Variants in NAV2 observed in about 807,000 individuals in gnomAD.
NAV2 encodes neuron navigator 2.
Under a neutral mutation model 223.2 loss-of-function variants are expected in NAV2, and 54 were observed. That is an observed-to-expected ratio of 0.24 (90% CI 0.19 to 0.30). The LOEUF is 0.30. NAV2 is among the 10% of genes least tolerant of loss of function. NAV2 has a pLI of 1.00. For synonymous variants in NAV2, 1,279 were observed against 1,239.3 expected (o/e 1.03, Z -0.67); for missense variants, 2,806 against 3,147.5 (o/e 0.89, Z 2.60).
At chr11:19,724,841 A>G (rs1240956121) in intron 1 of NAV2, among the ~76,000 whole-genome samples, 1 of 152,134 alleles carries the variant, frequency 6.6e-6, no homozygotes, top group East Asian at 1.9e-4. Flanking sequence ...AGCCAGAGAG[A>G]CCTGGGTTAA....
chr11:19,554,091 C>G (rs1421359226), intron 1 of NAV2, among the ~76,000 whole-genome samples: 1 of 152,186 alleles, frequency 6.6e-6, no homozygotes, highest in Non-Finnish European at 1.5e-5. Context: ...CGCTCTAAGC[C>G]AGGAGGCAAC....
intron 1 of NAV2, among the ~76,000 whole-genome samples, chr11:19,477,301 C>A (rs184546202): frequency 4.7e-4 from 72 of 152,330 alleles, no homozygotes; most frequent in Non-Finnish European, 8.1e-4. Flanking sequence ...ATTTTTGCCA[C>A]TTACATTACA....
rs2050018394 is a variant in NAV2 at position 19,713,576 on chromosome 11, G to A, written c.-120G>A. 7.1e-7 allele frequency: 1 copy of A among 1,403,726 alleles called. No individual in the cohort carries two copies. Among genetic ancestry groups the A allele is most frequent in the Admixed American group, 3.0e-5 (1 of 33,220 alleles). The allele number at this position is 1,403,726 out of a possible 1,614,324, so 87.0% of individuals were successfully genotyped here. On this transcript the variant is annotated 5_prime_UTR_variant, in exon 1 of 38. Transcript: ENST00000349880. This position sits in a 1 kb window ranked among gnomAD's most constrained non-coding sequence, Gnocchi z 7.2. ...CCTGGGGATTTTTTTTTTAGCCGCT[G>A]GTGGTGGGCGCCTCGTGGGCTAAGG... is the stretch of plus-strand genomic sequence containing the variant.
chr11:19,832,001 C>T (rs138795625), intron 1 of NAV2, among the ~76,000 whole-genome samples: 1,902 of 152,298 alleles, frequency 0.012, 16 homozygotes, highest in Middle Eastern at 0.037. Context: ...TTTCAAGGGA[C>T]CCAGGCTCCT....
chr11:19,897,926 G>A (rs1282183967), intron 6 of NAV2, among the ~76,000 whole-genome samples: 2 of 125,804 alleles, frequency 1.6e-5, no homozygotes, highest in Non-Finnish European at 3.3e-5. Context: ...TTGCCCGCAG[G>A]AAGACTACTC....
chr11:19,950,983 C>A (rs535293142), intron 10 of NAV2, among the ~76,000 whole-genome samples: 6 of 152,172 alleles, frequency 3.9e-5, no homozygotes, highest in Non-Finnish European at 5.9e-5. Context: ...CTGCCTTCTG[C>A]GTATGGGGCA....
intron 1 of NAV2, among the ~76,000 whole-genome samples, chr11:19,721,422 G>A (rs145047053): frequency 1.2e-4 from 18 of 152,280 alleles, no homozygotes; most frequent in East Asian, 9.6e-4. Flanking sequence ...TTAACTGGCC[G>A]GGCTGATTCT....
chr11:19,640,269 T>C (rs531482199), intron 1 of NAV2, among the ~76,000 whole-genome samples: 8 of 152,226 alleles, frequency 5.3e-5, no homozygotes, highest in Non-Finnish European at 8.8e-5. Context: ...TTGGACGATA[T>C]ACTGGTCAAC....
intron 8 of NAV2, among the ~76,000 whole-genome samples, chr11:19,942,722 A>T (rs1011983049): frequency 2.6e-5 from 4 of 152,174 alleles, no homozygotes; most frequent in African/African-American, 4.8e-5. Context: ...CAGTAGCTAT[A>T]CCTGTAATCC....
At chr11:19,996,748 A>G (rs769665666) in intron 11 of NAV2, among the ~76,000 whole-genome samples, 2 of 152,074 alleles carry the variant, frequency 1.3e-5, no homozygotes, top group Non-Finnish European at 2.9e-5. Context: ...CAGTCCTGTT[A>G]TTTTCGCTCG....
chr11:19,886,254 A>C lies in NAV2; in HGVS notation c.770+6127A>C, dbSNP rs142087142. ...TGGCCTCCCAGGGCGCTGGGATTAC[A>C]GGTGTGAGCCACTGAGCTGCCGAAC... is the stretch of plus-strand genomic sequence containing the variant. On this transcript the variant is annotated intron_variant, in intron 5 of 37. Coordinates refer to ENST00000349880, the MANE Select transcript of NAV2 (RefSeq NM_145117.5). Among the ~76,000 whole-genome samples, 23 of 152,196 alleles carry C rather than the reference A, an allele frequency of 1.5e-4. 1 individual carries two copies. The East Asian group carries it at 4.1e-3, about 27-fold the overall frequency.
chr11:20,027,068 G>C (rs528668208), intron 11 of NAV2, among the ~76,000 whole-genome samples: 12 of 152,320 alleles, frequency 7.9e-5, no homozygotes, highest in Admixed American at 7.2e-4. Context: ...ACTACAAAAG[G>C]TAGGACTCTG....
At chr11:19,651,544 G>A (rs1015312774) in intron 1 of NAV2, among the ~76,000 whole-genome samples, 4 of 152,222 alleles carry the variant, frequency 2.6e-5, no homozygotes, top group Admixed American at 2.0e-4. Context: ...GCCTTGGGTT[G>A]GCAGTGTTAC....
chr11:19,845,176 A>C (rs1328992884), intron 3 of NAV2, among the ~76,000 whole-genome samples: 1 of 152,230 alleles, frequency 6.6e-6, no homozygotes, highest in African/African-American at 2.4e-5. Flanking sequence ...ACACAAGCAT[A>C]TATAGAGTTA....
chr11:19,992,583 CTTTTTTTTTTTTT>C (rs780559920), intron 11 of NAV2, among the ~76,000 whole-genome samples: 1 of 103,582 alleles, frequency 9.7e-6, no homozygotes, highest in African/African-American at 3.7e-5. Context: ...TCCTGAAGTA[CTTTTTTTTTTTTT>C]TTTTTTTTTG....
intron 22 of NAV2, among the ~76,000 whole-genome samples, chr11:20,071,960 A>G (rs1166174013): frequency 2.0e-5 from 3 of 152,000 alleles, no homozygotes; most frequent in African/African-American, 7.3e-5. Flanking sequence ...CCTTTTGTCT[A>G]TTTTGGTTTT....
At chr11:19,466,730 C>T (rs756727673) in intron 1 of NAV2, among the ~76,000 whole-genome samples, 3 of 152,124 alleles carry the variant, frequency 2.0e-5, no homozygotes, top group Non-Finnish European at 2.9e-5. Flanking sequence ...ATGCAAGGAG[C>T]GGCAAGGGTG....
chr11:19,848,938 C>T (rs2060960201), intron 3 of NAV2, among the ~76,000 whole-genome samples: 2 of 152,128 alleles, frequency 1.3e-5, no homozygotes, highest in Admixed American at 1.3e-4. Context: ...TCATAAGTGG[C>T]CCTGGATAAT....
intron 1 of NAV2, among the ~76,000 whole-genome samples, chr11:19,679,126 A>T (rs2048803881): frequency 6.6e-6 from 1 of 152,202 alleles, no homozygotes; most frequent in Admixed American, 6.5e-5. Context: ...ATTAGTCCAA[A>T]ATTTTAACAA....
Sources: allele counts gnomAD v4.1 joint callset (sites outside exome capture counted in the v4.1 genomes callset), GRCh38; gene constraint gnomAD v4.1.1; non-coding constraint Gnocchi (gnomAD v3.1); transcripts MANE v1.5; gene names NCBI Gene and HGNC (gene_info 2026-07-23, HGNC 2026-07-21).